Variants in EPHA5 observed in about 807,000 individuals in gnomAD.
EPHA5 encodes EPH receptor A5.
Under a neutral mutation model 105.0 loss-of-function variants are expected in EPHA5, and 60 were observed. The ratio of observed to expected loss-of-function variants is 0.57; its 90% CI spans 0.46 to 0.71. The LOEUF is 0.71. Ranked by LOEUF, EPHA5 falls within the 30% of genes least tolerant of loss-of-function variation. The pLI, the probability that EPHA5 is intolerant of heterozygous loss-of-function variation, is 0.00. For synonymous variants in EPHA5, 513 were observed against 449.1 expected (o/e 1.14, Z -1.80); for missense variants, 1,218 against 1,274.7 (o/e 0.96, Z 0.68).
chr4:65,559,260 C>T (rs907695157), intron 3 of EPHA5, among the ~76,000 whole-genome samples: 1 of 152,006 alleles, frequency 6.6e-6, no homozygotes, highest in East Asian at 1.9e-4. Flanking sequence ...TGCTGAGTTA[C>T]CATACTCATT....
chr4:65,331,659 A>G, intron 16 of EPHA5: 3 of 1,110,534 alleles, frequency 2.7e-6, no homozygotes, highest in Non-Finnish European at 3.3e-6. Flanking sequence ...TAACATAGAT[A>G]CCAGTATAAA....
intron 3 of EPHA5, among the ~76,000 whole-genome samples, chr4:65,515,420 T>C (rs984408849): frequency 6.6e-6 from 1 of 152,138 alleles, no homozygotes; most frequent in African/African-American, 2.4e-5. Flanking sequence ...ATTATACCCA[T>C]ATATAAATTT....
At chr4:65,599,331 T>C (rs1264038022) in intron 3 of EPHA5, among the ~76,000 whole-genome samples, 8 of 139,974 alleles carry the variant, frequency 5.7e-5, no homozygotes, top group African/African-American at 1.9e-4. Context: ...TGAGCTAGAG[T>C]CATGGTGGCA....
chr4:65,617,638 G>C (rs1332669964), intron 2 of EPHA5, among the ~76,000 whole-genome samples: 3 of 151,984 alleles, frequency 2.0e-5, no homozygotes, highest in Admixed American at 1.3e-4. Context: ...CTTTTGGTCT[G>C]GCCACTATTT....
At chr4:65,531,418 A>G (rs1219961315) in intron 3 of EPHA5, among the ~76,000 whole-genome samples, 1 of 152,190 alleles carries the variant, frequency 6.6e-6, no homozygotes, top group African/African-American at 2.4e-5. Context: ...ATGCAGGGCT[A>G]GAACAGGAGT....
intron 5 of EPHA5, among the ~76,000 whole-genome samples, chr4:65,480,394 C>T (rs770176340): frequency 4.6e-5 from 7 of 152,056 alleles, no homozygotes; most frequent in Admixed American, 4.6e-4. Context: ...ACTCAGTTTC[C>T]GTTTCTCCTC....
Position 65,585,120 on chromosome 4 carries a change from TTGTG to T in EPHA5, c.910+16517_910+16520del, listed in dbSNP as rs76180882. Among the ~76,000 whole-genome samples the T allele has an allele frequency of 1.9e-3, 284 of 149,008 alleles. 3 individuals carry two copies. The highest frequency in any genetic ancestry group is 3.7e-3 in the African/African-American group (152 of 40,820). ...CATGTATATGTGTGTGCATGTGTGT[TTGTG>T]TGTGTGTGTGTGTGTGTGTGTCTGT... On this transcript the variant is annotated intron_variant, in intron 3 of 16. Coordinates refer to ENST00000613740, the MANE Select transcript of EPHA5 (RefSeq NM_001281766.3).
At chr4:65,421,958 TAATC>T in intron 5 of EPHA5, among the ~76,000 whole-genome samples, 1 of 152,254 alleles carries the variant, frequency 6.6e-6, no homozygotes, top group East Asian at 1.9e-4. Context: ...TTTTAAAACT[TAATC>T]AGTTCTTCAA....
chr4:65,475,459 C>G (rs549109123), intron 5 of EPHA5, among the ~76,000 whole-genome samples: 11 of 151,796 alleles, frequency 7.2e-5, no homozygotes, highest in Non-Finnish European at 1.5e-4. Flanking sequence ...ATAACTTTGC[C>G]TCTCTGGGTT....
chr4:65,629,166 T>C (rs2149488655), intron 2 of EPHA5, among the ~76,000 whole-genome samples: 1 of 147,690 alleles, frequency 6.8e-6, no homozygotes, highest in South Asian at 2.2e-4. Flanking sequence ...CAGTAAAGGT[T>C]GTCTTCCTCT....
intron 2 of EPHA5, among the ~76,000 whole-genome samples, chr4:65,633,689 T>G (rs1746852683): frequency 6.6e-6 from 1 of 151,920 alleles, no homozygotes; most frequent in African/African-American, 2.4e-5. Context: ...ATATTTGGAC[T>G]CAATATGAGA....
chr4:65,531,695 C>A (rs1292889568), intron 3 of EPHA5, among the ~76,000 whole-genome samples: 1 of 151,706 alleles, frequency 6.6e-6, no homozygotes, highest in African/African-American at 2.4e-5. Context: ...GATGTCTTTG[C>A]AGAATGACCA....
intron 7 of EPHA5, among the ~76,000 whole-genome samples, chr4:65,410,066 C>T (rs1264523677): frequency 1.3e-5 from 2 of 152,042 alleles, no homozygotes; most frequent in East Asian, 3.9e-4. Context: ...GGAAATTCAT[C>T]CTAGGGAAAT....
intron 8 of EPHA5, among the ~76,000 whole-genome samples, chr4:65,402,681 T>G (rs1721964222): frequency 6.6e-6 from 1 of 152,200 alleles, no homozygotes. Context: ...AATGTTTATT[T>G]AATTTATTAG....
intron 3 of EPHA5, among the ~76,000 whole-genome samples, chr4:65,538,680 T>A (rs1736530043): frequency 6.6e-6 from 1 of 151,778 alleles, no homozygotes; most frequent in East Asian, 1.9e-4. Context: ...ACTTCCTGTG[T>A]TGTAGCTAGG....
intron 3 of EPHA5, among the ~76,000 whole-genome samples, chr4:65,543,905 T>A (rs917519493): frequency 3.9e-5 from 6 of 152,056 alleles, no homozygotes; most frequent in Admixed American, 1.3e-4. Context: ...AACAGAGACC[T>A]CAGAAATAAC....
chr4:65,605,473 A>G (rs1209497313), intron 2 of EPHA5, among the ~76,000 whole-genome samples: 1 of 152,100 alleles, frequency 6.6e-6, no homozygotes, highest in Non-Finnish European at 1.5e-5. Context: ...TTTTTCATGA[A>G]GAGCTTGAAA....
intron 4 of EPHA5, among the ~76,000 whole-genome samples, chr4:65,492,538 CAAAAAAAA>C (rs10543479): frequency 1.8e-4 from 15 of 84,944 alleles, no homozygotes; most frequent in South Asian, 1.4e-3. Context: ...GACATCTTTG[CAAAAAAAA>C]AAAAAAAAAA....
intron 8 of EPHA5, among the ~76,000 whole-genome samples, chr4:65,371,516 A>G (rs1172437934): frequency 2.6e-5 from 4 of 152,124 alleles, no homozygotes; most frequent in African/African-American, 9.6e-5. Context: ...TAAGAATTTC[A>G]TAATACATGA....
Sources: gnomAD v4.1 joint callset for allele counts (sites outside exome capture counted in the v4.1 genomes callset) on GRCh38, gnomAD v4.1.1 for gene constraint, MANE v1.5 for transcripts, NCBI Gene and HGNC (gene_info 2026-07-23, HGNC 2026-07-21) for gene names.